DYNC1I1: variants seen among roughly 807,000 people sequenced by gnomAD.
The protein encoded by DYNC1I1 is dynein cytoplasmic 1 intermediate chain 1, also known as cytoplasmic dynein 1 intermediate chain 1.
Under a neutral mutation model 86.6 loss-of-function variants are expected in DYNC1I1, and 43 were observed. That is an observed-to-expected ratio of 0.50 (90% CI 0.39 to 0.64). DYNC1I1 has a LOEUF of 0.64. Ranked by LOEUF, DYNC1I1 falls within the 30% of genes least tolerant of loss-of-function variation. The probability of loss-of-function intolerance (pLI) is 0.00; values close to 1 mark genes in which losing one functional copy is unlikely to be tolerated. For missense variants in DYNC1I1, 604 were observed against 788.8 expected, an observed-to-expected ratio of 0.77 and a Z score of 2.81; for synonymous variants, 262 against 283.7, an observed-to-expected ratio of 0.92 and a Z score of 0.77.
At chr7:95,996,709 C>T (rs544041961) in intron 10 of DYNC1I1, among the ~76,000 whole-genome samples, 13 of 152,320 alleles carry the variant, frequency 8.5e-5, no homozygotes, top group Admixed American at 6.5e-4. Context: ...CCCTTGTACA[C>T]GTTCAGCATT....
intron 1 of DYNC1I1, among the ~76,000 whole-genome samples, chr7:95,795,918 A>C (rs1438240934): frequency 1.3e-5 from 2 of 151,744 alleles, no homozygotes; most frequent in Non-Finnish European, 2.9e-5. Flanking sequence ...AAAATGAATT[A>C]AAAATGCCTC....
chr7:96,068,696 G>C (rs2116213007), intron 14 of DYNC1I1, among the ~76,000 whole-genome samples: 1 of 152,290 alleles, frequency 6.6e-6, no homozygotes, highest in African/African-American at 2.4e-5. Flanking sequence ...GTTTACCTGA[G>C]CATGTGAGAA....
At chr7:95,843,128 A>G (rs1187872324) in intron 5 of DYNC1I1, among the ~76,000 whole-genome samples, 2 of 152,160 alleles carry the variant, frequency 1.3e-5, no homozygotes, top group African/African-American at 4.8e-5. Flanking sequence ...GACTGGCGTG[A>G]ACAGAAACTA....
intron 14 of DYNC1I1, among the ~76,000 whole-genome samples, chr7:96,062,452 C>T (rs928832258): frequency 2.7e-5 from 4 of 150,784 alleles, no homozygotes; most frequent in African/African-American, 7.3e-5. Context: ...TCTCTCTAAA[C>T]AATGGGAACC....
Position 95,778,834 on chromosome 7 carries a change from AT to A in DYNC1I1, c.-10+6071del, listed in dbSNP as rs974392233. 1.7e-3 allele frequency among the ~76,000 whole-genome samples: 255 copies of A among 150,582 alleles called. 1 individual carries two copies. The highest frequency in any genetic ancestry group is 5.8e-3 in the African/African-American group (237 of 41,068). On this transcript the variant is annotated intron_variant, in intron 1 of 16. Coordinates refer to ENST00000447467, the MANE Select transcript of DYNC1I1 (RefSeq NM_001135556.2). ...TCCCACCACACCAGCTGGTTAAAAA[AT>A]TTTTTTTTTCATAGGGATGGAGTCT...
At chr7:96,009,888 T>C (rs1220970481) in intron 10 of DYNC1I1, among the ~76,000 whole-genome samples, 1 of 151,860 alleles carries the variant, frequency 6.6e-6, no homozygotes, top group Admixed American at 6.6e-5. Context: ...CAAGCGATTC[T>C]CCTGCCTCAG....
At chr7:96,076,484 A>G (rs1364807404) in intron 15 of DYNC1I1, among the ~76,000 whole-genome samples, 1 of 152,240 alleles carries the variant, frequency 6.6e-6, no homozygotes, top group African/African-American at 2.4e-5. Context: ...CCTATGGGAC[A>G]GGACACACAG....
chr7:95,797,248 T>A (rs75105226), intron 1 of DYNC1I1, among the ~76,000 whole-genome samples: 5 of 152,188 alleles, frequency 3.3e-5, no homozygotes, highest in African/African-American at 9.6e-5. Context: ...ATTTTTTACA[T>A]GAACAACTGA....
intron 6 of DYNC1I1, among the ~76,000 whole-genome samples, chr7:95,940,083 C>T (rs1354971735): frequency 2.6e-5 from 4 of 152,154 alleles, no homozygotes; most frequent in African/African-American, 9.7e-5. Flanking sequence ...ATATGAAATT[C>T]TGGGTTGAAA....
rs1375812098 is a variant in DYNC1I1 at position 96,043,556 on chromosome 7, A to G, written c.1509+4135A>G. ...AATGTATTAAAAAAAAAAAAACAGAACAAAACAAAACTTGGGACATTTCAG... is the reference window on the plus strand; with the variant it reads ...AATGTATTAAAAAAAAAAAAACAGAGCAAAACAAAACTTGGGACATTTCAG... On this transcript the variant is annotated intron_variant, in intron 14 of 16. Coordinates refer to ENST00000447467, the MANE Select transcript of DYNC1I1 (RefSeq NM_001135556.2). Among the ~76,000 whole-genome samples, 4 of 151,526 alleles carry G rather than the reference A, an allele frequency of 2.6e-5. No individual in the cohort carries two copies. In the East Asian group the frequency reaches 7.8e-4, roughly 29 times the overall value.
intron 2 of DYNC1I1, among the ~76,000 whole-genome samples, chr7:95,809,506 A>T (rs1026863723): frequency 6.6e-6 from 1 of 152,164 alleles, no homozygotes; most frequent in Non-Finnish European, 1.5e-5. Context: ...CATGTTTCAG[A>T]TGTGGGGCAA....
At chr7:95,865,848 A>G (rs979844533) in intron 5 of DYNC1I1, among the ~76,000 whole-genome samples, 3 of 152,198 alleles carry the variant, frequency 2.0e-5, no homozygotes, top group Non-Finnish European at 4.4e-5. Flanking sequence ...ATATTTGCAC[A>G]ATGACAAAGT....
chr7:96,073,226 A>T (rs913422867), intron 14 of DYNC1I1, among the ~76,000 whole-genome samples: 9 of 152,186 alleles, frequency 5.9e-5, no homozygotes, highest in Admixed American at 3.9e-4. Context: ...CAACTTTTAT[A>T]ATAAAAGGCT....
At chr7:95,923,925 G>C (rs573279099) in intron 6 of DYNC1I1, among the ~76,000 whole-genome samples, 2 of 152,236 alleles carry the variant, frequency 1.3e-5, no homozygotes, top group Non-Finnish European at 2.9e-5. Flanking sequence ...CTATCAGGAA[G>C]TGACACCAAG....
intron 12 of DYNC1I1, among the ~76,000 whole-genome samples, chr7:96,033,867 G>A (rs753108722): frequency 6.6e-6 from 1 of 152,060 alleles, no homozygotes; most frequent in Non-Finnish European, 1.5e-5. Flanking sequence ...AAAGTTAGCT[G>A]GGTGTGCTAG....
chr7:95,908,788 C>T (rs2239955), intron 6 of DYNC1I1, among the ~76,000 whole-genome samples: 9,651 of 152,136 alleles, frequency 0.063, 601 homozygotes, highest in Admixed American at 0.22. Context: ...CAGGGCATCC[C>T]CAGTGGAGCA....
intron 1 of DYNC1I1, among the ~76,000 whole-genome samples, chr7:95,786,275 C>A (rs543278445): frequency 8.5e-5 from 13 of 152,230 alleles, no homozygotes; most frequent in African/African-American, 3.1e-4. Flanking sequence ...GTGCTATTCC[C>A]CAAACATCGG....
intron 6 of DYNC1I1, among the ~76,000 whole-genome samples, chr7:95,922,187 T>A (rs951895685): frequency 3.3e-5 from 5 of 151,796 alleles, no homozygotes; most frequent in Non-Finnish European, 7.4e-5. Context: ...TTCTTCAGGA[T>A]TTTTTTTTCT....
At chr7:96,100,006 A>C (rs1298753143), downstream of DYNC1I1, among the ~76,000 whole-genome samples, 3 of 152,208 alleles carry the variant, frequency 2.0e-5, no homozygotes, top group Non-Finnish European at 4.4e-5. Flanking sequence ...AAGTCACCCC[A>C]GCTGATGTCC....
Sources: allele counts gnomAD v4.1 joint callset (sites outside exome capture counted in the v4.1 genomes callset), GRCh38; gene constraint gnomAD v4.1.1; transcripts MANE v1.5; gene names NCBI Gene and HGNC (gene_info 2026-07-23, HGNC 2026-07-21).